Variants in OR2L13 observed in about 807,000 individuals in gnomAD.
OR2L13 encodes olfactory receptor family 2 subfamily L member 13.
Under a neutral mutation model 15.3 loss-of-function variants are expected in OR2L13, and 14 were observed. That is an observed-to-expected ratio of 0.91 (90% CI 0.60 to 1.43). The LOEUF is 1.43. Among genes scored for constraint, OR2L13 ranks in the 40% most tolerant of loss-of-function variants. OR2L13 has a pLI of 0.00. For missense variants in OR2L13, 367 were observed against 387.9 expected (o/e 0.95, Z 0.45); for synonymous variants, 152 against 142.9 (o/e 1.06, Z -0.45).
At chr1:247,984,836 C>T in the OR2L13 span, among the ~76,000 whole-genome samples, 1 of 151,972 alleles carries the variant, frequency 6.6e-6, no homozygotes, top group African/African-American at 2.4e-5. Flanking sequence ...ATCTCCAGAA[C>T]AGTTTCATTG....
the OR2L13 span, among the ~76,000 whole-genome samples, chr1:247,953,439 A>G: frequency 6.6e-6 from 1 of 152,168 alleles, no homozygotes; most frequent in Admixed American, 6.5e-5. Flanking sequence ...GTATTACATT[A>G]GCAAAATTTG....
At chr1:247,938,849 A>T in the OR2L13 span, 1 of 152,226 alleles carries the variant, frequency 6.6e-6, no homozygotes, top group South Asian at 2.1e-4. Context: ...AAAGCCTATC[A>T]CAATCTAAAG....
the OR2L13 span, among the ~76,000 whole-genome samples, chr1:247,958,775 T>C: frequency 3.3e-5 from 5 of 151,904 alleles, no homozygotes; most frequent in Non-Finnish European, 5.9e-5. Flanking sequence ...CCCTGCCTTT[T>C]TTTGTTTTCC....
the OR2L13 span, among the ~76,000 whole-genome samples, chr1:248,075,506 C>T: frequency 6.6e-6 from 1 of 152,208 alleles, no homozygotes; most frequent in Non-Finnish European, 1.5e-5. Flanking sequence ...ACATCCTCTC[C>T]AGCATCTGTT....
chr1:247,959,925 G>A, the OR2L13 span, among the ~76,000 whole-genome samples: 3 of 94,152 alleles, frequency 3.2e-5, no homozygotes, highest in African/African-American at 8.1e-5. Context: ...ATCATCTGAA[G>A]CCTTCTTCTC....
chr1:248,022,732 G>T, the OR2L13 span: 34 of 1,613,924 alleles, frequency 2.1e-5, no homozygotes, highest in Middle Eastern at 3.3e-4. Context: ...CTATGTCCAA[G>T]ATCCCTGCGA....
the OR2L13 span, chr1:248,039,351 T>C: frequency 6.9e-6 from 4 of 579,724 alleles, no homozygotes; most frequent in Non-Finnish European, 1.1e-5. Flanking sequence ...GTCTTGACAA[T>C]ATTATAATAC....
the OR2L13 span, among the ~76,000 whole-genome samples, chr1:248,048,149 T>G: frequency 1.3e-5 from 2 of 152,178 alleles, no homozygotes; most frequent in African/African-American, 2.4e-5. Context: ...TCTGCCCACT[T>G]ACCTGTGTAT....
the OR2L13 span, among the ~76,000 whole-genome samples, chr1:247,999,499 A>T: frequency 6.6e-6 from 1 of 152,166 alleles, no homozygotes; most frequent in Non-Finnish European, 1.5e-5. Flanking sequence ...CCAACTTCAT[A>T]CCCTTCTCAA....
chr1:248,081,720 T>C, the OR2L13 span, among the ~76,000 whole-genome samples: 22,892 of 152,138 alleles, frequency 0.15, 3,280 homozygotes, highest in African/African-American at 0.38. Context: ...AAACAAATGA[T>C]GCTATCTCCT....
At chr1:247,968,912 A>G in the OR2L13 span, among the ~76,000 whole-genome samples, 2 of 152,198 alleles carry the variant, frequency 1.3e-5, no homozygotes, top group African/African-American at 4.8e-5. Flanking sequence ...TCCGTGAGGA[A>G]TCGCCACACT....
the OR2L13 span, among the ~76,000 whole-genome samples, chr1:248,070,401 GA>G: frequency 3.3e-5 from 5 of 152,168 alleles, no homozygotes; most frequent in Non-Finnish European, 5.9e-5. Context: ...AATGAAGGCA[GA>G]AATAAAGATG....
the OR2L13 span, among the ~76,000 whole-genome samples, chr1:247,960,216 G>T: frequency 6.6e-6 from 1 of 152,188 alleles, no homozygotes; most frequent in Non-Finnish European, 1.5e-5. Context: ...TCCAGACCCT[G>T]TTTACCTGGG....
At chr1:248,036,845 T>C in the OR2L13 span, among the ~76,000 whole-genome samples, 1 of 152,170 alleles carries the variant, frequency 6.6e-6, no homozygotes, top group Non-Finnish European at 1.5e-5. Flanking sequence ...CCCTAATGCT[T>C]AGATTACATT....
At chr1:247,951,156 T>C in the OR2L13 span, among the ~76,000 whole-genome samples, 2 of 152,236 alleles carry the variant, frequency 1.3e-5, no homozygotes, top group Non-Finnish European at 2.9e-5. Flanking sequence ...GCATCTGTTT[T>C]TATGCCAGTA....
At chr1:248,003,467 C>T in the OR2L13 span, 1 of 1,608,582 alleles carries the variant, frequency 6.2e-7, no homozygotes, top group South Asian at 1.1e-5. Context: ...AGAAGCGCTA[C>T]TCCTGATATC....
At chr1:248,067,010 G>A in the OR2L13 span, among the ~76,000 whole-genome samples, 3 of 152,186 alleles carry the variant, frequency 2.0e-5, no homozygotes, top group African/African-American at 7.2e-5. Flanking sequence ...AGGAGAAGAC[G>A]AAGGGCTTAA....
the OR2L13 span, among the ~76,000 whole-genome samples, chr1:247,979,913 C>A: frequency 0.039 from 5,913 of 152,162 alleles, 358 homozygotes; most frequent in African/African-American, 0.13. Flanking sequence ...AGGAAATTTT[C>A]TTTGCTACCT....
the OR2L13 span, chr1:248,024,324 C>G: frequency 6.6e-6 from 1 of 151,788 alleles, no homozygotes; most frequent in Admixed American, 6.6e-5. Context: ...GCTATTATAG[C>G]AATGTAAAAT....
Sources: gnomAD v4.1 joint callset for allele counts (sites outside exome capture counted in the v4.1 genomes callset) on GRCh38, gnomAD v4.1.1 for gene constraint, MANE v1.5 for transcripts, NCBI Gene and HGNC (gene_info 2026-07-23, HGNC 2026-07-21) for gene names.